The following DIS3L2 variants were observed in gnomAD, a reference collection of about 807,000 sequenced individuals.
DIS3L2 encodes the protein DIS3-like exonuclease 2.
Under a neutral mutation model 97.5 loss-of-function variants are expected in DIS3L2, and 34 were observed. The ratio of observed to expected loss-of-function variants is 0.35; its 90% CI spans 0.27 to 0.46. The LOEUF is 0.46. Ranked by LOEUF, DIS3L2 falls within the 20% of genes least tolerant of loss-of-function variation. The probability of loss-of-function intolerance (pLI) is 1.00; values close to 1 mark genes in which losing one functional copy is unlikely to be tolerated. For missense variants in DIS3L2, 1,038 were observed against 1,146.0 expected (o/e 0.91, Z 1.36); for synonymous variants, 435 against 445.2 (o/e 0.98, Z 0.29).
intron 11 of DIS3L2, among the ~76,000 whole-genome samples, chr2:232,246,388 G>C (rs1574969469): frequency 6.6e-6 from 1 of 152,244 alleles, no homozygotes; most frequent in African/African-American, 2.4e-5. Flanking sequence ...ACAGGTGAAG[G>C]GGGTGCAGTG....
At chr2:232,086,349 GTATA>G (rs36085232) in intron 5 of DIS3L2, among the ~76,000 whole-genome samples, 5 of 125,256 alleles carry the variant, frequency 4.0e-5, no homozygotes, top group African/African-American at 6.1e-5. Context: ...ATACATATAT[GTATA>G]TATATGTGTA....
chr2:232,094,953 C>T (rs1025359443), intron 6 of DIS3L2, among the ~76,000 whole-genome samples: 1 of 152,006 alleles, frequency 6.6e-6, no homozygotes, highest in Non-Finnish European at 1.5e-5. Context: ...TCTATTTTAT[C>T]TGATATTAAT....
chr2:231,979,922 C>T (rs1215523861), intron 1 of DIS3L2, among the ~76,000 whole-genome samples: 12 of 152,090 alleles, frequency 7.9e-5, no homozygotes, highest in Admixed American at 7.9e-4. Context: ...AAACAGATAG[C>T]CAGGTGTGCT....
At chr2:232,088,285 G>A (rs770254752) in intron 6 of DIS3L2, among the ~76,000 whole-genome samples, 7 of 150,090 alleles carry the variant, frequency 4.7e-5, no homozygotes, top group Non-Finnish European at 1.0e-4. Flanking sequence ...GGTGGCTCAC[G>A]CCTGTAATCC....
At chr2:232,050,566 G>A (rs1695373490) in intron 5 of DIS3L2, among the ~76,000 whole-genome samples, 1 of 152,054 alleles carries the variant, frequency 6.6e-6, no homozygotes, top group Non-Finnish European at 1.5e-5. Context: ...GTGAGCCACT[G>A]CACCCGGCCG....
intron 1 of DIS3L2, among the ~76,000 whole-genome samples, chr2:232,001,557 C>CTTTTTTTTTTTTTTTTTT (rs57766848): frequency 2.6e-4 from 16 of 61,918 alleles, no homozygotes; most frequent in African/African-American, 6.1e-4. Context: ...TGCCATTTGT[C>CTTTTTTTTTTTTTTTTTT]TTTTTTTTTT....
rs1165984347 is a variant in DIS3L2 at position 232,293,367 on chromosome 2, C to T, written c.1660-6673C>T. Among the ~76,000 whole-genome samples, 1 of 152,188 alleles carries T rather than the reference C, an allele frequency of 6.6e-6. No individual in the cohort carries two copies. Among genetic ancestry groups the T allele is most frequent in the African/African-American group, 2.4e-5 (1 of 41,452 alleles). ...GACAGTGATAAGGACACCGATTGCC[C>T]AGGAGACCTGGTGAAGCCACCCTTG... On this transcript the variant is annotated intron_variant, in intron 13 of 20. Coordinates refer to ENST00000325385, the MANE Select transcript of DIS3L2 (RefSeq NM_152383.5). This position sits in a 1 kb window ranked among gnomAD's most constrained non-coding sequence, Gnocchi z 4.6.
At chr2:231,995,918 T>G (rs1693718303) in intron 1 of DIS3L2, among the ~76,000 whole-genome samples, 1 of 152,210 alleles carries the variant, frequency 6.6e-6, no homozygotes, top group Admixed American at 6.5e-5. Context: ...CACTCTGGTT[T>G]CTTTAAAATT....
intron 8 of DIS3L2, among the ~76,000 whole-genome samples, chr2:232,161,760 C>T (rs911555581): frequency 2.0e-5 from 3 of 151,370 alleles, no homozygotes; most frequent in African/African-American, 4.8e-5. Context: ...TGTGAGCCAC[C>T]GTGCCTGACC....
At chr2:232,219,241 C>T (rs1692429164) in intron 10 of DIS3L2, among the ~76,000 whole-genome samples, 1 of 152,164 alleles carries the variant, frequency 6.6e-6, no homozygotes, top group Non-Finnish European at 1.5e-5. Flanking sequence ...GGATTTAATT[C>T]CCTTTTTTGC....
intron 10 of DIS3L2, 102 bp from the exon 11 acceptor site, chr2:232,238,431 C>T (rs919498652): frequency 1.1e-6 from 1 of 908,506 alleles, no homozygotes; most frequent in Non-Finnish European, 1.7e-6. Context: ...AACTGCAGGT[C>T]CTGTGGCCTC....
At chr2:232,082,284 A>G (rs1696426396) in intron 5 of DIS3L2, among the ~76,000 whole-genome samples, 1 of 152,198 alleles carries the variant, frequency 6.6e-6, no homozygotes, top group South Asian at 2.1e-4. Flanking sequence ...ACAGTTTTGA[A>G]TGACTTAATT....
In DIS3L2 at chr2:232,122,323, C is replaced by T. The variant is rs143120706; in HGVS notation, c.602-8296C>T. ...ACTCCTTAGGGTAAGTTACATTTTA[C>T]AGACAAGGAAATGTGACCTATTTTG... On this transcript the variant is annotated intron_variant, in intron 6 of 20. Coordinates refer to ENST00000325385, the MANE Select transcript of DIS3L2 (RefSeq NM_152383.5). 3.7e-3 allele frequency among the ~76,000 whole-genome samples: 558 copies of T among 152,306 alleles called. 2 individuals carry two copies. Among genetic ancestry groups the T allele is most frequent in the Non-Finnish European group, 5.9e-3 (400 of 68,034 alleles).
At chr2:232,120,787 T>C (rs964549988) in intron 6 of DIS3L2, among the ~76,000 whole-genome samples, 17 of 152,124 alleles carry the variant, frequency 1.1e-4, no homozygotes, top group African/African-American at 3.1e-4. Context: ...AAATGGCTTA[T>C]GTCTAATCTC....
intron 14 of DIS3L2, among the ~76,000 whole-genome samples, chr2:232,324,730 C>G (rs377764285): frequency 6.6e-6 from 1 of 152,198 alleles, no homozygotes; most frequent in African/African-American, 2.4e-5. Flanking sequence ...AGTTGGGGCA[C>G]CCAGGCCAGT....
At chr2:232,338,206 G>GTGGCCA (rs1461248092), downstream of DIS3L2, among the ~76,000 whole-genome samples, 3 of 152,088 alleles carry the variant, frequency 2.0e-5, no homozygotes, top group Non-Finnish European at 4.4e-5. Flanking sequence ...CTGAGGAGCA[G>GTGGCCA]TGGCCAAGTT....
chr2:232,139,064 A>G (rs1698438453), intron 8 of DIS3L2, among the ~76,000 whole-genome samples: 1 of 152,224 alleles, frequency 6.6e-6, no homozygotes, highest in African/African-American at 2.4e-5. Flanking sequence ...GCATGTATAT[A>G]TCATAGCGAT....
chr2:231,995,746 G>T (rs1207261424), intron 1 of DIS3L2, among the ~76,000 whole-genome samples: 3 of 152,152 alleles, frequency 2.0e-5, no homozygotes, highest in African/African-American at 7.2e-5. Flanking sequence ...CATTTTAAAA[G>T]AAACTGGTAA....
intron 5 of DIS3L2, among the ~76,000 whole-genome samples, chr2:232,061,711 G>A (rs1695712099): frequency 6.6e-6 from 1 of 152,220 alleles, no homozygotes; most frequent in Admixed American, 6.5e-5. Context: ...TTCATGTGCA[G>A]AGAGCCTACA....
Sources: allele counts gnomAD v4.1 joint callset (sites outside exome capture counted in the v4.1 genomes callset), GRCh38; gene constraint gnomAD v4.1.1; non-coding constraint Gnocchi (gnomAD v3.1); transcripts MANE v1.5; gene names NCBI Gene and HGNC (gene_info 2026-07-23, HGNC 2026-07-21).